Variants in B3GALNT2 observed in about 807,000 individuals in gnomAD.
B3GALNT2 encodes UDP-GalNAc:beta-1,3-N-acetylgalactosaminyltransferase 2.
Under a neutral mutation model 61.1 loss-of-function variants are expected in B3GALNT2, and 53 were observed. The observed-to-expected ratio is 0.87, with a 90% CI of 0.70 to 1.09. The LOEUF (loss-of-function observed/expected upper bound fraction) is 1.09. B3GALNT2 is among the 50% of genes least tolerant of loss of function. The pLI is 0.00. For missense variants in B3GALNT2, 544 were observed against 623.0 expected, an observed-to-expected ratio of 0.87 and a Z score of 1.35; for synonymous variants, 223 against 237.4, an observed-to-expected ratio of 0.94 and a Z score of 0.56.
chr1:235,481,811 C>T (rs557837687), intron 4 of B3GALNT2, among the ~76,000 whole-genome samples: 29 of 152,206 alleles, frequency 1.9e-4, no homozygotes, highest in African/African-American at 6.7e-4. Context: ...TATATGGACT[C>T]CTATAGTTGA....
chr1:235,458,460 G>C, intron 8 of B3GALNT2, 143 bp downstream of exon 8: 1 of 1,032,058 alleles, frequency 9.7e-7, no homozygotes, highest in East Asian at 2.9e-5. Flanking sequence ...TAAGGCAGGA[G>C]GTTTGCCTGC....
rs138749985 is a variant in B3GALNT2, at chr1:235,448,387, C to T, written c.*1819G>A. ...TCAAAAGGTGAAGGGATTGCTGTCA[C>T]GTCTTCTCAAAGTTCCTGTGTCAGA... On this transcript the variant is annotated 3_prime_UTR_variant, in exon 12 of 12. Coordinates refer to ENST00000366600, the MANE Select transcript of B3GALNT2 (RefSeq NM_152490.5). The T allele has an allele frequency of 6.2e-6, 10 of 1,614,008 alleles. No homozygotes were observed. Among genetic ancestry groups the T allele is most frequent in the East Asian group, 4.5e-5 (2 of 44,892 alleles).
intron 2 of B3GALNT2, among the ~76,000 whole-genome samples, chr1:235,493,860 C>G (rs1053592220): frequency 9.2e-5 from 14 of 152,152 alleles, no homozygotes; most frequent in Admixed American, 2.6e-4. Context: ...CCTGAAAGGG[C>G]CTTCTCTGCT....
chr1:235,494,775 C>T lies in B3GALNT2; in HGVS notation c.166G>A (p.Gly56Ser). The T allele has an allele frequency of 6.2e-7, 1 of 1,611,208 alleles. No individual in the cohort carries two copies. Among genetic ancestry groups the T allele is most frequent in the Non-Finnish European group, 8.5e-7 (1 of 1,177,490 alleles). The change falls in exon 2 of 12, where the codon GGC becomes AGC. Residue 56 changes from glycine to serine, a missense_variant. Gly to Ser is a moderately conservative substitution (Grantham distance 56). Transcript: ENST00000366600. ...TGGTTATTGCGAGCTGACAACACGC[C>T]AACTACCACATCATAGTGAGTAGAT... ...WKSTHYDVVVGVLSARNNHEL... is the reference protein window; with the variant it reads ...WKSTHYDVVVSVLSARNNHEL...
At chr1:235,454,430 G>A in intron 9 of B3GALNT2, 115 bp from the exon 10 acceptor site, 1 of 1,075,078 alleles carries the variant, frequency 9.3e-7, no homozygotes, top group East Asian at 2.9e-5. Flanking sequence ...AGTGAGGAAA[G>A]AAAATAAGAA....
Position 235,454,257 on chromosome 1 carries a change from T to A in B3GALNT2, c.1210A>T (p.Ser404Cys). 1 of 1,613,268 alleles carries A rather than the reference T, an allele frequency of 6.2e-7. No homozygotes were observed. Residue 404 changes from serine to cysteine, a missense_variant, in exon 10 of 12, where the codon AGC (serine) becomes TGC (cysteine). Transcript: ENST00000366600. ...CATGCAAAGGCAGGGTAAGCGGGGC[T>A]CGGGTACTCCAACTCCTGCCACTTT... ...TGKWQELEYP[S>C]PAYPAFACGS...
In B3GALNT2 at chr1:235,480,905, C is replaced by CA. The variant is rs55666590; in HGVS notation, c.556-757dup. Among the ~76,000 whole-genome samples the CA allele has an allele frequency of 3.0e-3, 95 of 31,170 alleles. 19 individuals are homozygous for CA. Among genetic ancestry groups the CA allele is most frequent in the African/African-American group, 3.7e-3 (27 of 7,290 alleles). 20.4% of individuals were successfully genotyped at this position (31,170 alleles called of 152,430 possible). A position where few individuals can be genotyped will look rare whatever the true frequency, so the allele number is the denominator to read the frequency against. ...TGGACCGCAGAGCCAGACTCTGTCT[C>CA]AAAAAAAAAAAAAAAAAAAAAAAAA... On this transcript the variant is annotated intron_variant, in intron 4 of 11. Transcript: ENST00000366600.
chr1:235,475,558 A>C (rs1456624502), intron 5 of B3GALNT2, among the ~76,000 whole-genome samples: 1 of 152,186 alleles, frequency 6.6e-6, no homozygotes, highest in Non-Finnish European at 1.5e-5. Flanking sequence ...ATGCCAGCAA[A>C]CAATCACTAT....
chr1:235,478,714 A>C (rs948001635), intron 5 of B3GALNT2, among the ~76,000 whole-genome samples: 1 of 152,266 alleles, frequency 6.6e-6, no homozygotes, highest in Non-Finnish European at 1.5e-5. Flanking sequence ...AATTCTATAT[A>C]GCCATTACAA....
intron 1 of B3GALNT2, among the ~76,000 whole-genome samples, chr1:235,502,133 C>T (rs1685608606): frequency 6.6e-6 from 1 of 152,192 alleles, no homozygotes; most frequent in African/African-American, 2.4e-5. Context: ...CTGCCTCAGC[C>T]TCCTTAGTAG....
intron 7 of B3GALNT2, chr1:235,464,795 C>A (rs1336275834): frequency 6.6e-6 from 1 of 151,928 alleles, no homozygotes; most frequent in Non-Finnish European, 1.5e-5. Flanking sequence ...GGAAGATATA[C>A]AAATGGCCAA....
chr1:235,490,161 T>C (rs905834537), intron 2 of B3GALNT2, among the ~76,000 whole-genome samples: 9 of 152,164 alleles, frequency 5.9e-5, no homozygotes, highest in Non-Finnish European at 1.0e-4. Context: ...TTACTTCCTC[T>C]CCCTAAACAA....
intron 5 of B3GALNT2, 23 bp from the exon 6 acceptor site, chr1:235,470,983 G>A (rs756811169): frequency 1.9e-6 from 3 of 1,610,882 alleles, no homozygotes; most frequent in Non-Finnish European, 2.5e-6. Context: ...GATGAATAGT[G>A]AGTCAATTTC....
chr1:235,465,119 C>A (rs919890147), intron 7 of B3GALNT2: 1 of 152,230 alleles, frequency 6.6e-6, no homozygotes, highest in Non-Finnish European at 1.5e-5. Context: ...CTTGTACCTA[C>A]ATGTTTACTA....
intron 3 of B3GALNT2, among the ~76,000 whole-genome samples, chr1:235,488,855 A>G (rs969795215): frequency 2.6e-5 from 4 of 152,028 alleles, no homozygotes; most frequent in African/African-American, 7.2e-5. Context: ...AGAATTCAAG[A>G]TCAGCCCAGA....
At chr1:235,482,913 G>A (rs1400774600) in intron 4 of B3GALNT2, among the ~76,000 whole-genome samples, 1 of 152,010 alleles carries the variant, frequency 6.6e-6, no homozygotes, top group Admixed American at 6.6e-5. Context: ...TATTTTAGAG[G>A]AAAGATAATA....
At chr1:235,495,537 TAAA>T (rs202001422) in intron 1 of B3GALNT2, among the ~76,000 whole-genome samples, 1 of 147,050 alleles carries the variant, frequency 6.8e-6, no homozygotes, top group African/African-American at 2.5e-5. Flanking sequence ...ACACTTTTAG[TAAA>T]AAAAAAAAAA....
intron 8 of B3GALNT2, 90 bp downstream of exon 8, chr1:235,458,513 G>A (rs957591095): frequency 2.0e-6 from 3 of 1,464,620 alleles, no homozygotes; most frequent in Admixed American, 2.6e-5. Context: ...CTAGTAAGGG[G>A]TTTCCTTACA....
rs913637779 is a variant in B3GALNT2 at position 235,504,318 on chromosome 1, C to A, written c.-66G>T. The A allele has an allele frequency of 6.2e-6, 9 of 1,449,264 alleles. No individual in the cohort carries two copies. The South Asian group carries it at 7.8e-5, about 13-fold the overall frequency. 89.8% of individuals were successfully genotyped at this position (1,449,264 alleles called of 1,614,324 possible). On this transcript the variant is annotated 5_prime_UTR_variant, in exon 1 of 12. Transcript: ENST00000366600. ...CGGAGAGGGAGGGGACCTGCAAGTGCGGAGACTGAGGGGCGGCGGCTGACG... is the reference window on the plus strand; with the variant it reads ...CGGAGAGGGAGGGGACCTGCAAGTGAGGAGACTGAGGGGCGGCGGCTGACG...
Sources: allele counts gnomAD v4.1 joint callset (sites outside exome capture counted in the v4.1 genomes callset), GRCh38; gene constraint gnomAD v4.1.1; transcripts MANE v1.5; gene names NCBI Gene and HGNC (gene_info 2026-07-23, HGNC 2026-07-21).